Variants in RAD1 observed in about 807,000 individuals in gnomAD.
The protein encoded by RAD1 is RAD1 checkpoint DNA exonuclease.
RAD1 carries 21 observed loss-of-function variants against 30.0 expected under a neutral mutation model. The ratio of observed to expected loss-of-function variants is 0.70; its 90% CI spans 0.50 to 1.01. RAD1 has a LOEUF of 1.01. Ranked by LOEUF, RAD1 falls within the 50% of genes least tolerant of loss-of-function variation. The pLI, the probability that RAD1 is intolerant of heterozygous loss-of-function variation, is 0.00. For synonymous variants in RAD1, 109 were observed against 113.6 expected, an observed-to-expected ratio of 0.96 and a Z score of 0.26; for missense variants, 329 against 329.0, an observed-to-expected ratio of 1.00 and a Z score of 0.00.
rs1763653865 is a variant in RAD1, at chr5:34,906,371, G to A, written c.*2394C>T. The A allele has an allele frequency of 6.6e-6, 1 of 152,132 alleles. No homozygotes were observed. The highest frequency in any genetic ancestry group is 2.4e-5 in the African/African-American group (1 of 41,428). The allele number at this position is 152,132 out of a possible 1,614,324, so 9.4% of individuals were successfully genotyped here. Reference sequence around the variant, plus strand: ...AAAATACATTAGGCCAGGCATGATAGCTCACGCCTGTAATCCCAGCCCTTT... The same window carrying A: ...AAAATACATTAGGCCAGGCATGATAACTCACGCCTGTAATCCCAGCCCTTT... On this transcript the variant is annotated 3_prime_UTR_variant, in exon 6 of 6. Coordinates refer to ENST00000382038, the MANE Select transcript of RAD1 (RefSeq NM_002853.4).
chr5:34,906,136 G>A lies in RAD1; in HGVS notation c.*2629C>T, dbSNP rs556625287. 6.6e-6 allele frequency: 1 copy of A among 151,788 alleles called. No individual in the cohort carries two copies. Among genetic ancestry groups the A allele is most frequent in the Non-Finnish European group, 1.5e-5 (1 of 67,964 alleles). 9.4% of individuals were successfully genotyped at this position (151,788 alleles called of 1,614,324 possible). A position where few individuals can be genotyped will look rare whatever the true frequency, so the allele number is the denominator to read the frequency against. Reference sequence around the variant, plus strand: ...CACCCAGCTAATTTTTGTATTTTTAGTAGAGGTAGGGGTTTCACCATGTTG... The same window carrying A: ...CACCCAGCTAATTTTTGTATTTTTAATAGAGGTAGGGGTTTCACCATGTTG... On this transcript the variant is annotated 3_prime_UTR_variant, in exon 6 of 6. Transcript: ENST00000382038.
At chr5:34,915,026 T>C (rs898192726) in intron 1 of RAD1, 65 bp from the exon 2 acceptor site, 2 of 907,018 alleles carry the variant, frequency 2.2e-6, no homozygotes, top group Middle Eastern at 2.4e-4. Context: ...CCACCTGCGC[T>C]GAGAGGTGGA....
At chr5:34,909,468 T>C (rs911325688) in intron 4 of RAD1, 112 bp from the exon 5 acceptor site, 3 of 663,924 alleles carry the variant, frequency 4.5e-6, no homozygotes, top group African/African-American at 1.8e-5. Flanking sequence ...GAAACAGACA[T>C]GTACACAAAT....
chr5:34,909,056 ATCCAATTT>A, intron 5 of RAD1, 108 bp from the exon 6 acceptor site: 1 of 1,122,778 alleles, frequency 8.9e-7, no homozygotes, highest in Non-Finnish European at 1.3e-6. Flanking sequence ...TCAAGTACTT[ATCCAATTT>A]GCTAATATTT....
chr5:34,908,972 T>A, intron 5 of RAD1, 24 bp from the exon 6 acceptor site: 1 of 1,573,912 alleles, frequency 6.4e-7, no homozygotes. Context: ...AATAAAACGC[T>A]GTTATATCAA....
intron 4 of RAD1, 65 bp downstream of exon 4, chr5:34,911,489 C>A (rs1348924258): frequency 6.5e-7 from 1 of 1,547,248 alleles, no homozygotes; most frequent in East Asian, 2.3e-5. Context: ...GCATCCTAAG[C>A]AAATGTCTAA....
chr5:34,913,457 G>A lies in RAD1; in HGVS notation c.307+13C>T, dbSNP rs770383506. On this transcript the variant is annotated intron_variant, in intron 3 of 5. Transcript: ENST00000382038. ...TATAACACTTTTATGTCTTTATACT[G>A]ATCATAGTTTACCTGGCATAGGACT... 2.0e-5 allele frequency: 29 copies of A among 1,462,386 alleles called. No homozygotes were observed. In the Admixed American group the frequency reaches 5.8e-4, roughly 29 times the overall value. The allele number at this position is 1,462,386 out of a possible 1,614,324, so 90.6% of individuals were successfully genotyped here.
chr5:34,910,485 T>C (rs1580506460), intron 4 of RAD1, among the ~76,000 whole-genome samples: 1 of 151,918 alleles, frequency 6.6e-6, no homozygotes, highest in African/African-American at 2.4e-5. Flanking sequence ...TGGAGTGCAG[T>C]GGCGCAATCT....
At position 34,911,554 on chromosome 5, in the gene RAD1, C is replaced by T. The variant is rs760989836; in HGVS notation, c.566G>A (p.Arg189Lys). Reference protein sequence around the residue: ...ITMSPDKPYFRLSTFGNAGSS... With the variant: ...ITMSPDKPYFKLSTFGNAGSS... ...CTATAACTGCACTGCTCTCAAGTACCTGAAATAAGGCTTGTCAGGAGACAT... is the reference window on the plus strand; with the variant it reads ...CTATAACTGCACTGCTCTCAAGTACTTGAAATAAGGCTTGTCAGGAGACAT... Residue 189 changes from arginine (R) to lysine (K), a missense_variant and splice_region_variant, in exon 4 of 6, where the codon AGG becomes AAG. Coordinates refer to ENST00000382038, the MANE Select transcript of RAD1 (RefSeq NM_002853.4). The T allele has an allele frequency of 6.2e-7, 1 of 1,613,962 alleles. No homozygotes were observed. The highest frequency in any genetic ancestry group is 8.5e-7 in the Non-Finnish European group (1 of 1,179,930).
rs1237775303 is a variant in RAD1, at chr5:34,911,594, C to T, written c.526G>A (p.Val176Ile). Residue 176 changes from valine to isoleucine, a missense_variant, in exon 4 of 6, where the codon GTC (valine) becomes ATC (isoleucine). By Grantham distance (29) the Val-to-Ile change is conservative. Coordinates refer to ENST00000382038, the MANE Select transcript of RAD1 (RefSeq NM_002853.4). ...AFSELDMTSE[V>I]LQITMSPDKP... ...TCAGGAGACATGGTAATTTGTAGGA[C>T]TTCACTCGTCATATCCAATTCAGAA... The T allele has an allele frequency of 6.2e-7, 1 of 1,614,132 alleles. No homozygotes were observed.
At chr5:34,910,432 C>G (rs1308137296) in intron 4 of RAD1, among the ~76,000 whole-genome samples, 2 of 143,812 alleles carry the variant, frequency 1.4e-5, no homozygotes, top group African/African-American at 5.1e-5. Context: ...TTTTTCTTTT[C>G]TTTTTTTTTT....
intron 2 of RAD1, chr5:34,913,899 A>G (rs1435853845): frequency 1.4e-5 from 6 of 437,502 alleles, no homozygotes; most frequent in African/African-American, 8.1e-5. Context: ...ATGATTTTTT[A>G]TTGATACGGG....
chr5:34,912,871 CG>C (rs1561169399), intron 3 of RAD1, among the ~76,000 whole-genome samples: 1 of 152,058 alleles, frequency 6.6e-6, no homozygotes, highest in East Asian at 1.9e-4. Context: ...CGTGGTGGCA[CG>C]TGCCTGTAAT....
At chr5:34,915,024 G>T in intron 1 of RAD1, 63 bp from the exon 2 acceptor site, 2 of 916,498 alleles carry the variant, frequency 2.2e-6, no homozygotes, top group Non-Finnish European at 3.3e-6. Flanking sequence ...CTCCACCTGC[G>T]CTGAGAGGTG....
At position 34,906,633 on chromosome 5, in the gene RAD1, T is replaced by G. The variant is rs1379287759; in HGVS notation, c.*2132A>C. ...CAGCCTGGGCAACAGAGCAAGATCT[T>G]GTCTCCAAAAATAAAAATAAAAAAA... On this transcript the variant is annotated 3_prime_UTR_variant, in exon 6 of 6. Coordinates refer to ENST00000382038, the MANE Select transcript of RAD1 (RefSeq NM_002853.4). The G allele has an allele frequency of 6.6e-6, 1 of 152,070 alleles. No individual in the cohort carries two copies. Among genetic ancestry groups the G allele is most frequent in the Non-Finnish European group, 1.5e-5 (1 of 68,022 alleles). The allele number at this position is 152,070 out of a possible 1,614,324, so 9.4% of individuals were successfully genotyped here. A position where few individuals can be genotyped will look rare whatever the true frequency, so the allele number is the denominator to read the frequency against.
Position 34,908,218 on chromosome 5 carries a change from G to A in RAD1, c.*547C>T, listed in dbSNP as rs1763713724. 2 of 139,066 alleles carry A rather than the reference G, an allele frequency of 1.4e-5. No homozygotes were observed. Among genetic ancestry groups the A allele is most frequent in the Admixed American group, 7.8e-5 (1 of 12,782 alleles). 8.6% of individuals were successfully genotyped at this position (139,066 alleles called of 1,614,324 possible). A position where few individuals can be genotyped will look rare whatever the true frequency, so the allele number is the denominator to read the frequency against. ...GGCAGAGTTTTGCTCTTATTGCCTAGGCTGGAGTGCAATGGCGTCATCTCA... is the reference window on the plus strand; with the variant it reads ...GGCAGAGTTTTGCTCTTATTGCCTAAGCTGGAGTGCAATGGCGTCATCTCA... On this transcript the variant is annotated 3_prime_UTR_variant, in exon 6 of 6. Coordinates refer to ENST00000382038, the MANE Select transcript of RAD1 (RefSeq NM_002853.4).
chr5:34,912,163 G>A (rs1317299156), intron 3 of RAD1, among the ~76,000 whole-genome samples: 1 of 152,200 alleles, frequency 6.6e-6, no homozygotes, highest in Non-Finnish European at 1.5e-5. Flanking sequence ...CTGCAGAACA[G>A]GGTATGCTAT....
Position 34,908,812 on chromosome 5 carries a change from C to G in RAD1, c.802G>C (p.Glu268Gln), listed in dbSNP as rs759350335. 1.2e-6 allele frequency: 2 copies of G among 1,611,632 alleles called. No individual in the cohort carries two copies. The highest frequency in any genetic ancestry group is 2.2e-5 in the South Asian group (2 of 90,850). The change falls in exon 6 of 6, where the codon GAA becomes CAA. Residue 268 changes from glutamate to glutamine, a missense_variant. Physicochemically the swap from Glu to Gln is conservative, Grantham distance 29. Transcript: ENST00000382038. ...TCTTCATCAGGGCAGCAGTAATATTCCACAAAACATATTTGTCCATCTTCA... is the reference window on the plus strand; with the variant it reads ...TCTTCATCAGGGCAGCAGTAATATTGCACAAAACATATTTGTCCATCTTCA... ...RNEDGQICFV[E>Q]YYCCPDEEVP...
At chr5:34,910,427 CTTTTCT>C (rs369874710) in intron 4 of RAD1, among the ~76,000 whole-genome samples, 179 of 149,470 alleles carry the variant, frequency 1.2e-3, no homozygotes, top group African/African-American at 4.1e-3. Flanking sequence ...GATTCTTTTT[CTTTTCT>C]TTTTTTTTTT....
Sources: allele counts gnomAD v4.1 joint callset (sites outside exome capture counted in the v4.1 genomes callset), GRCh38; gene constraint gnomAD v4.1.1; transcripts MANE v1.5; gene names NCBI Gene and HGNC (gene_info 2026-07-23, HGNC 2026-07-21).